The following MPZL1 variants were observed in gnomAD, a reference collection of about 807,000 sequenced individuals.
MPZL1 encodes myelin protein zero like 1.
Under a neutral mutation model 29.3 loss-of-function variants are expected in MPZL1, and 16 were observed. That is an observed-to-expected ratio of 0.55 (90% CI 0.37 to 0.83). MPZL1 has a LOEUF of 0.83. Ranked by LOEUF, MPZL1 falls within the 40% of genes least tolerant of loss-of-function variation. The probability of loss-of-function intolerance (pLI) is 0.00; values close to 1 mark genes in which losing one functional copy is unlikely to be tolerated. For synonymous variants in MPZL1, 143 were observed against 132.0 expected (o/e 1.08, Z -0.57); for missense variants, 279 against 332.9 (o/e 0.84, Z 1.26).
chr1:167,765,686 G>T lies in MPZL1; in HGVS notation c.195G>T (p.Thr65=), dbSNP rs150711804. The stretch of plus-strand genomic sequence containing the variant: ...CCTGCAAGTTCAAGTCTACTAGTAC[G>T]ACTGGCGGGTTGACCTCAGTCTCCT... ...KLTCKFKSTS[T]TGGLTSVSWS... Residue 65 remains threonine (T), a synonymous_variant, in exon 2 of 6, where the codon ACG becomes ACT. Coordinates refer to ENST00000359523, the MANE Select transcript of MPZL1 (RefSeq NM_003953.6). The T allele has an allele frequency of 2.5e-6, 4 of 1,613,346 alleles. No individual in the cohort carries two copies. The highest frequency in any genetic ancestry group is 1.1e-5 in the South Asian group (1 of 90,888).
chr1:167,779,928 C>T (rs1458266341), intron 5 of MPZL1, among the ~76,000 whole-genome samples: 3 of 152,050 alleles, frequency 2.0e-5, no homozygotes, highest in East Asian at 1.9e-4. Flanking sequence ...ATAATATCAA[C>T]GTTGGCATCA....
chr1:167,766,441 A>AT (rs1354579541), intron 2 of MPZL1, among the ~76,000 whole-genome samples: 4 of 152,360 alleles, frequency 2.6e-5, no homozygotes, highest in African/African-American at 9.6e-5. Context: ...TGTTAGGAGG[A>AT]TAAAGTAAGA....
intron 4 of MPZL1, among the ~76,000 whole-genome samples, chr1:167,775,077 A>C (rs1018336794): frequency 6.6e-6 from 1 of 152,196 alleles, no homozygotes; most frequent in Admixed American, 6.5e-5. Context: ...TGTGCTCTTC[A>C]TGTAAAATGC....
chr1:167,768,342 T>C (rs1288479974), intron 2 of MPZL1, among the ~76,000 whole-genome samples: 1 of 152,198 alleles, frequency 6.6e-6, no homozygotes, highest in Non-Finnish European at 1.5e-5. Flanking sequence ...ACACTTGTCA[T>C]TTAAGCTGTA....
chr1:167,750,369 T>G (rs531545994), intron 1 of MPZL1, among the ~76,000 whole-genome samples: 13 of 152,184 alleles, frequency 8.5e-5, no homozygotes, highest in African/African-American at 3.1e-4. Context: ...GCCCAGCTAA[T>G]TTTTGTATTT....
intron 1 of MPZL1, among the ~76,000 whole-genome samples, chr1:167,731,593 C>T (rs1660272231): frequency 6.6e-6 from 1 of 152,002 alleles, no homozygotes; most frequent in Non-Finnish European, 1.5e-5. Context: ...GCCGCCACCA[C>T]ACCCGGCTAA....
intron 1 of MPZL1, among the ~76,000 whole-genome samples, chr1:167,752,905 T>C (rs1345550404): frequency 6.6e-6 from 1 of 152,234 alleles, no homozygotes; most frequent in Non-Finnish European, 1.5e-5. Context: ...AAGTGTTCTT[T>C]GAGAGCTCTC....
intron 1 of MPZL1, 144 bp from the exon 2 acceptor site, chr1:167,765,439 G>A (rs1661092319): frequency 1.4e-5 from 8 of 588,632 alleles, no homozygotes; most frequent in Non-Finnish European, 2.3e-5. Flanking sequence ...CTTAGCTGTA[G>A]AATATTCTGC....
chr1:167,728,734 C>T (rs1660207153), intron 1 of MPZL1, among the ~76,000 whole-genome samples: 1 of 152,164 alleles, frequency 6.6e-6, no homozygotes, highest in South Asian at 2.1e-4. Context: ...AACAGTGATA[C>T]ACTGAATCCA....
intron 2 of MPZL1, among the ~76,000 whole-genome samples, chr1:167,767,792 CTTTTTTTTT>C (rs58079089): frequency 1.7e-5 from 1 of 58,106 alleles, no homozygotes; most frequent in East Asian, 6.5e-4. Context: ...CCCTTTTCTG[CTTTTTTTTT>C]TTTTTTTTTT....
At chr1:167,754,789 G>C (rs778168367) in intron 1 of MPZL1, among the ~76,000 whole-genome samples, 1 of 152,176 alleles carries the variant, frequency 6.6e-6, no homozygotes, top group Non-Finnish European at 1.5e-5. Flanking sequence ...TAAAAATCCT[G>C]ATACCCAGGC....
intron 1 of MPZL1, among the ~76,000 whole-genome samples, chr1:167,739,302 TATATATAC>T (rs1243306741): frequency 5.0e-5 from 6 of 119,302 alleles, no homozygotes; most frequent in African/African-American, 2.2e-4. Context: ...TATATATATA[TATATATAC>T]ACATATATAT....
rs146253031 is a variant in MPZL1, at chr1:167,781,545, A to G, written c.708+5379A>G. On this transcript the variant is annotated intron_variant, in intron 5 of 5. Transcript: ENST00000359523. ...ATATTTTGAACTGAGTGAAAATAAC[A>G]TATCAAAATTTGTGAGATATAGCTA... Among the ~76,000 whole-genome samples, 414 of 152,254 alleles carry G rather than the reference A, an allele frequency of 2.7e-3. 2 individuals carry two copies. The highest frequency in any genetic ancestry group is 9.5e-3 in the African/African-American group (397 of 41,588).
intron 3 of MPZL1, 98 bp downstream of exon 3, chr1:167,772,586 G>A: frequency 8.7e-7 from 1 of 1,150,318 alleles, no homozygotes; most frequent in Non-Finnish European, 1.2e-6. Flanking sequence ...TTTGGAGGGA[G>A]GATTTTTGCC....
Position 167,767,821 on chromosome 1 carries a change from A to G in MPZL1, c.258+2072A>G, listed in dbSNP as rs540426231. 2.7e-4 allele frequency among the ~76,000 whole-genome samples: 16 copies of G among 59,132 alleles called. No homozygotes were observed. The South Asian group carries it at 7.7e-3, about 29-fold the overall frequency. The allele number at this position is 59,132 out of a possible 152,430, so 38.8% of individuals were successfully genotyped here. A position where few individuals can be genotyped will look rare whatever the true frequency, so the allele number is the denominator to read the frequency against. The stretch of plus-strand genomic sequence containing the variant: ...TTTTTTTTTTTTTTTTTTTTAGGTT[A>G]ATTGTGTTCATCTGCAGATGAGTTT... On this transcript the variant is annotated intron_variant, in intron 2 of 5. Coordinates refer to ENST00000359523, the MANE Select transcript of MPZL1 (RefSeq NM_003953.6).
intron 1 of MPZL1, among the ~76,000 whole-genome samples, chr1:167,761,137 G>A (rs1329801769): frequency 6.6e-6 from 1 of 152,128 alleles, no homozygotes; most frequent in East Asian, 1.9e-4. Flanking sequence ...TTATCCAAGA[G>A]AACAGAAGAG....
chr1:167,739,589 G>A (rs141268198), intron 1 of MPZL1, among the ~76,000 whole-genome samples: 2 of 152,154 alleles, frequency 1.3e-5, no homozygotes, highest in African/African-American at 4.8e-5. Flanking sequence ...CAAGTTCTCT[G>A]TATGTGCTGC....
chr1:167,732,450 T>C (rs976921621), intron 1 of MPZL1, among the ~76,000 whole-genome samples: 2 of 152,158 alleles, frequency 1.3e-5, no homozygotes, highest in Non-Finnish European at 2.9e-5. Flanking sequence ...TATTTTTTCA[T>C]TTTTAGAAAT....
In MPZL1 at chr1:167,772,257, C is replaced by T. The variant is rs1346203932; in HGVS notation, c.259-18C>T. On this transcript the variant is annotated intron_variant, in intron 2 of 5. Coordinates refer to ENST00000359523, the MANE Select transcript of MPZL1 (RefSeq NM_003953.6). ...TGCCTTTGAGAATAGTTCATGTGTTCCTTTTTTCTAATTGCAGTTTTTCCA... is the reference window on the plus strand; with the variant it reads ...TGCCTTTGAGAATAGTTCATGTGTTTCTTTTTTCTAATTGCAGTTTTTCCA... 6.3e-7 allele frequency: 1 copy of T among 1,584,510 alleles called. No individual in the cohort carries two copies. Among genetic ancestry groups the T allele is most frequent in the African/African-American group, 1.3e-5 (1 of 74,134 alleles).
Sources: gnomAD v4.1 joint callset for allele counts (sites outside exome capture counted in the v4.1 genomes callset) on GRCh38, gnomAD v4.1.1 for gene constraint, MANE v1.5 for transcripts, NCBI Gene and HGNC (gene_info 2026-07-23, HGNC 2026-07-21) for gene names.